WASHC4: variants seen among roughly 807,000 people sequenced by gnomAD.
The protein encoded by WASHC4 is WASH complex subunit 7.
Under a neutral mutation model 166.6 loss-of-function variants are expected in WASHC4, and 86 were observed. The ratio of observed to expected loss-of-function variants is 0.52; its 90% confidence interval spans 0.43 to 0.62. The LOEUF (loss-of-function observed/expected upper bound fraction) is 0.62, where lower values mean the gene tolerates loss of function less well. WASHC4 is among the 20% of genes least tolerant of loss of function. The pLI is 0.00. For synonymous variants in WASHC4, 446 were observed against 451.6 expected, an observed-to-expected ratio of 0.99 and a Z score of 0.16; for missense variants, 1,262 against 1,382.4, an observed-to-expected ratio of 0.91 and a Z score of 1.38.
intron 5 of WASHC4, among the ~76,000 whole-genome samples, 153 bp from the exon 6 acceptor site, chr12:105,115,504 TTGTC>T (rs1880095358): frequency 6.6e-6 from 1 of 151,994 alleles, no homozygotes; most frequent in South Asian, 2.1e-4. Context: ...TGATTAATGA[TTGTC>T]TGATTTTTCT....
intron 24 of WASHC4, chr12:105,147,894 A>G: frequency 1.0e-6 from 1 of 973,050 alleles, no homozygotes; most frequent in South Asian, 4.8e-5. Context: ...AGCAAGAGCG[A>G]AACTCCATCT....
At chr12:105,119,571 T>C (rs1161142483) in intron 7 of WASHC4, among the ~76,000 whole-genome samples, 1 of 152,132 alleles carries the variant, frequency 6.6e-6, no homozygotes, top group Non-Finnish European at 1.5e-5. Context: ...AGTTAGGTAT[T>C]TATTTTATGT....
chr12:105,149,174 G>T (rs1883539390), intron 24 of WASHC4: 1 of 985,238 alleles, frequency 1.0e-6, no homozygotes, highest in Non-Finnish European at 1.2e-6. Flanking sequence ...TGAATATGTG[G>T]TATCTTCAGG....
At chr12:105,109,129 A>C (rs1403924180) in intron 1 of WASHC4, among the ~76,000 whole-genome samples, 1 of 152,204 alleles carries the variant, frequency 6.6e-6, no homozygotes, top group Non-Finnish European at 1.5e-5. Context: ...ATAAGGTATT[A>C]GCTCTTATGC....
At chr12:105,121,696 C>T (rs1249872234) in intron 9 of WASHC4, among the ~76,000 whole-genome samples, 1 of 151,982 alleles carries the variant, frequency 6.6e-6, no homozygotes, top group African/African-American at 2.4e-5. Flanking sequence ...TTAGTAGAGA[C>T]GGCGTTTCAC....
rs79664819 is a variant in WASHC4 at position 105,140,337 on chromosome 12, A to T, written c.1496A>T (p.Asp499Val). ...MFYRRSMVVA[D>V]SVSHITQHLQ... ...TACAGGAGAAGCATGGTTGTGGCTG[A>T]TTCAGTTTCACATATAACACAGCAC... The change falls in exon 16 of 33, where the codon GAT becomes GTT. Residue 499 changes from aspartate (D) to valine (V), a missense_variant. By Grantham distance (152) the Asp-to-Val change is radical. Coordinates refer to ENST00000332180, the MANE Select transcript of WASHC4 (RefSeq NM_015275.3). 6.2e-7 allele frequency: 1 copy of T among 1,613,628 alleles called. No homozygotes were observed. The highest frequency in any genetic ancestry group is 1.3e-5 in the African/African-American group (1 of 75,034).
At chr12:105,153,236 T>G (rs1240851737) in intron 26 of WASHC4, among the ~76,000 whole-genome samples, 1 of 152,222 alleles carries the variant, frequency 6.6e-6, no homozygotes, top group East Asian at 1.9e-4. Flanking sequence ...GAGATTGATT[T>G]ATTCATTTAT....
intron 2 of WASHC4, among the ~76,000 whole-genome samples, chr12:105,112,312 A>G (rs1036127097): frequency 6.6e-6 from 1 of 152,220 alleles, no homozygotes; most frequent in Non-Finnish European, 1.5e-5. Context: ...CAGTTGATAG[A>G]CATTGGATTT....
rs770752610 is a variant in WASHC4 at position 105,123,932 on chromosome 12, G to A, written c.786+1694G>A. ...CTACTCTGCCTGTTCTCTGTAAGTG[G>A]AACAACAAAGCCTGATGACAGCATA... is the stretch of plus-strand genomic sequence containing the variant. On this transcript the variant is annotated intron_variant, in intron 10 of 32. Coordinates refer to ENST00000332180, the MANE Select transcript of WASHC4 (RefSeq NM_015275.3). 1.2e-3 allele frequency among the ~76,000 whole-genome samples: 177 copies of A among 152,230 alleles called. 1 individual carries two copies. The highest frequency in any genetic ancestry group is 3.4e-3 in the Middle Eastern group (1 of 294).
chr12:105,146,255 G>A (rs1883283690), intron 22 of WASHC4, among the ~76,000 whole-genome samples, 197 bp from the exon 23 acceptor site: 1 of 152,084 alleles, frequency 6.6e-6, no homozygotes, highest in Admixed American at 6.5e-5. Context: ...AAAAGATAAA[G>A]TAATAAGCAG....
Position 105,152,414 on chromosome 12 carries a change from C to CT in WASHC4, c.2722dup (p.Tyr908LeufsTer3). On this transcript the variant is annotated frameshift_variant, in exon 26 of 33. Transcript: ENST00000332180. LOFTEE classifies it high-confidence loss of function. Reference sequence around the variant, plus strand: ...TTGGAGTAACACCTGAGGGACAGAGCTACCTTGATCAATTCAGGCAACTCA... The same window carrying CT: ...TTGGAGTAACACCTGAGGGACAGAGCTTACCTTGATCAATTCAGGCAACTCA... The CT allele has an allele frequency of 1.9e-6, 3 of 1,603,702 alleles. No homozygotes were observed. The highest frequency in any genetic ancestry group is 2.6e-6 in the Non-Finnish European group (3 of 1,170,676).
intron 31 of WASHC4, 27 bp from the exon 32 acceptor site, chr12:105,164,614 T>C (rs762101833): frequency 1.0e-4 from 155 of 1,542,540 alleles, no homozygotes; most frequent in Non-Finnish European, 1.3e-4. Context: ...TTTTTGGTTT[T>C]TATTTCAAAT....
Position 105,149,698 on chromosome 12 carries a change from G to A in WASHC4, c.2598G>A (p.Leu866=), listed in dbSNP as rs777381104. ...ATGATGAACACATCAAATCCAGATT[G>A]ATTAAAGATATTCGATTTTTCAGGG... ...FMYDEHIKSR[L]IKDIRFFREI... Residue 866 remains leucine, a synonymous_variant, in exon 25 of 33, where the codon TTG becomes TTA. Transcript: ENST00000332180. 10 of 1,582,362 alleles carry A rather than the reference G, an allele frequency of 6.3e-6. No homozygotes were observed. Among genetic ancestry groups the A allele is most frequent in the Non-Finnish European group, 8.7e-6 (10 of 1,153,294 alleles).
chr12:105,140,209 C>T (rs1461609181), intron 15 of WASHC4, 85 bp from the exon 16 acceptor site: 3 of 978,702 alleles, frequency 3.1e-6, no homozygotes. Flanking sequence ...AATCCCTTCC[C>T]TAGCCTAAGG....
intron 14 of WASHC4, 39 bp from the exon 15 acceptor site, chr12:105,137,847 A>G (rs766879661): frequency 1.4e-5 from 22 of 1,555,316 alleles, no homozygotes; most frequent in Non-Finnish European, 1.9e-5. Context: ...CTTGAAGAAA[A>G]TCTTTCCTTG....
intron 24 of WASHC4, 165 bp downstream of exon 24, chr12:105,147,311 G>A (rs1293385630): frequency 5.8e-5 from 36 of 622,582 alleles, no homozygotes; most frequent in Non-Finnish European, 2.9e-5. Context: ...TCCTAAAATT[G>A]TGTTGGATGT....
intron 15 of WASHC4, among the ~76,000 whole-genome samples, chr12:105,139,875 A>G (rs1308026509): frequency 6.6e-6 from 1 of 150,468 alleles, no homozygotes; most frequent in African/African-American, 2.4e-5. Context: ...TATCAGTTCT[A>G]TACTTTGTAA....
intron 26 of WASHC4, among the ~76,000 whole-genome samples, chr12:105,154,533 C>T (rs545220111): frequency 9.2e-5 from 14 of 152,312 alleles, no homozygotes; most frequent in African/African-American, 3.1e-4. Flanking sequence ...TTTTAACTCA[C>T]GTGAATCTTA....
chr12:105,141,641 T>C (rs1882862034), intron 18 of WASHC4, among the ~76,000 whole-genome samples: 1 of 152,232 alleles, frequency 6.6e-6, no homozygotes, highest in African/African-American at 2.4e-5. Flanking sequence ...AAGACACGAA[T>C]TTGAATTAAC....
Sources: gnomAD v4.1 joint callset for allele counts (sites outside exome capture counted in the v4.1 genomes callset) on GRCh38, gnomAD v4.1.1 for gene constraint, MANE v1.5 for transcripts, NCBI Gene and HGNC (gene_info 2026-07-23, HGNC 2026-07-21) for gene names.